Variants in ENO4 observed in about 807,000 individuals in gnomAD.
ENO4 encodes enolase 4.
In ENO4, 53 loss-of-function variants were observed where a neutral mutation model predicts 63.2. That is an observed-to-expected ratio of 0.84 (90% CI 0.67 to 1.05). The LOEUF (loss-of-function observed/expected upper bound fraction) is 1.05, where lower values mean the gene tolerates loss of function less well. ENO4 is among the 50% of genes least tolerant of loss of function. ENO4 has a pLI of 0.00. For synonymous variants in ENO4, 266 were observed against 283.8 expected (o/e 0.94, Z 0.63); for missense variants, 719 against 772.0 (o/e 0.93, Z 0.81).
chr10:116,850,873 A>T (rs1302107184), intron 1 of ENO4, among the ~76,000 whole-genome samples: 1 of 152,194 alleles, frequency 6.6e-6, no homozygotes, highest in African/African-American at 2.4e-5. Context: ...TAGTGACAGA[A>T]GAAAAAAAAT....
Position 116,871,143 on chromosome 10 carries a change from A to T in ENO4, c.1066A>T (p.Met356Leu), listed in dbSNP as rs773891436. ...KRGQQQITGK[M>L]SHLGCLTINC... ...CTTGCAGCAGCAGATCACTGGCAAGATGTCTCATCTTGGCTGTTTAACCAT... is the reference window on the plus strand; with the variant it reads ...CTTGCAGCAGCAGATCACTGGCAAGTTGTCTCATCTTGGCTGTTTAACCAT... Residue 356 changes from methionine (M) to leucine (L), a missense_variant, in exon 9 of 14, where the codon ATG (methionine) becomes TTG (leucine). This residue lies in a region of ENO4 where 544 missense variants were observed against 583.6 expected (regional missense o/e 0.93). Transcript: ENST00000341276. 40 of 1,550,376 alleles carry T rather than the reference A, an allele frequency of 2.6e-5. No individual in the cohort carries two copies. The highest frequency in any genetic ancestry group is 3.3e-5 in the Non-Finnish European group (38 of 1,146,962).
At position 116,871,958 on chromosome 10, in the gene ENO4, A is replaced by G. The variant is rs557941758; in HGVS notation, c.1215+666A>G. Among the ~76,000 whole-genome samples the G allele has an allele frequency of 4.6e-3, 695 of 152,322 alleles. 1 individual carries two copies. The highest frequency in any genetic ancestry group is 6.6e-3 in the Non-Finnish European group (447 of 68,028). ...ACGCCTGTAATCCCAGCACTTTGGG[A>G]GGCCGAGGTGGGTGGATCACCTGAG... On this transcript the variant is annotated intron_variant, in intron 9 of 13. Transcript: ENST00000341276.
chr10:116,871,134 A>T lies in ENO4; in HGVS notation c.1057A>T (p.Thr353Ser), dbSNP rs918076143. The T allele has an allele frequency of 3.5e-5, 55 of 1,550,282 alleles. No homozygotes were observed. The highest frequency in any genetic ancestry group is 1.7e-4 in the Middle Eastern group (1 of 6,010). Reference protein sequence around the residue: ...DGSKRGQQQITGKMSHLGCLT... With the variant: ...DGSKRGQQQISGKMSHLGCLT... ...TCTCTTGATCTTGCAGCAGCAGATC[A>T]CTGGCAAGATGTCTCATCTTGGCTG... The change falls in exon 9 of 14, where the codon ACT becomes TCT. Residue 353 changes from threonine to serine, a missense_variant. Thr to Ser is a moderately conservative substitution (Grantham distance 58). Coordinates refer to ENST00000341276, the MANE Select transcript of ENO4 (RefSeq NM_001242699.2).
chr10:116,850,346 C>CT (rs1213644141), intron 1 of ENO4: 2 of 155,706 alleles, frequency 1.3e-5, no homozygotes, highest in African/African-American at 4.8e-5. Context: ...ATTGTAGTCT[C>CT]TTGAGGCAGC....
intron 7 of ENO4, among the ~76,000 whole-genome samples, chr10:116,866,956 C>T (rs1357766982): frequency 1.3e-5 from 2 of 152,074 alleles, no homozygotes; most frequent in African/African-American, 4.8e-5. Flanking sequence ...CCAACATTAC[C>T]GCGATTCTTC....
chr10:116,905,696 T>A (rs1263421973), intron 10 of ENO4, among the ~76,000 whole-genome samples: 7 of 152,198 alleles, frequency 4.6e-5, no homozygotes, highest in African/African-American at 1.7e-4. Context: ...AGATTTAAAC[T>A]GTTACGATAG....
intron 12 of ENO4, 121 bp from the exon 13 acceptor site, chr10:116,879,748 A>T: frequency 2.6e-6 from 2 of 763,352 alleles, no homozygotes; most frequent in Non-Finnish European, 4.2e-6. Flanking sequence ...AAAGATAAAA[A>T]ACTAGTAAGA....
chr10:116,879,840 T>C (rs1846951170), intron 12 of ENO4, 29 bp from the exon 13 acceptor site: 1 of 1,502,026 alleles, frequency 6.7e-7, no homozygotes, highest in Non-Finnish European at 9.0e-7. Context: ...GGCTCCTCCG[T>C]CTAAAATTAG....
intron 11 of ENO4, among the ~76,000 whole-genome samples, chr10:116,877,446 AC>A (rs1846870361): frequency 1.3e-5 from 2 of 152,178 alleles, no homozygotes; most frequent in Admixed American, 1.3e-4. Flanking sequence ...AGAATTTGGA[AC>A]CAGATCATCC....
chr10:116,867,838 C>A (rs1201890585), intron 7 of ENO4, among the ~76,000 whole-genome samples: 1 of 152,166 alleles, frequency 6.6e-6, no homozygotes, highest in Non-Finnish European at 1.5e-5. Flanking sequence ...CAAGACTGTT[C>A]TTTAATGTTT....
intron 10 of ENO4, among the ~76,000 whole-genome samples, chr10:116,889,007 T>C (rs1372615174): frequency 2.6e-5 from 4 of 152,244 alleles, no homozygotes; most frequent in African/African-American, 4.8e-5. Context: ...CCCACTCTTA[T>C]GTAAGCCAGT....
intron 10 of ENO4, among the ~76,000 whole-genome samples, chr10:116,899,599 G>A (rs558066619): frequency 3.3e-5 from 5 of 151,372 alleles, no homozygotes; most frequent in African/African-American, 4.9e-5. Flanking sequence ...ATTTAGAGCC[G>A]ACTGTCATTG....
At position 116,855,676 on chromosome 10, in the gene ENO4, G is replaced by A. The variant is rs926831969; in HGVS notation, c.219G>A (p.Gly73=). 5 of 1,536,158 alleles carry A rather than the reference G, an allele frequency of 3.3e-6. No individual in the cohort carries two copies. In the African/African-American group the frequency reaches 6.9e-5, roughly 21 times the overall value. Reference sequence around the variant, plus strand: ...CTCCCACCATATGCAAAATAGTGGGGAAAGACGTACTAGATGGACTGGGGC... The same window carrying A: ...CTCCCACCATATGCAAAATAGTGGGAAAAGACGTACTAGATGGACTGGGGC... ...AKPPTICKIV[G]KDVLDGLGLP... The change falls in exon 2 of 14, where the codon GGG becomes GGA. Residue 73 remains glycine (G), a synonymous_variant. Transcript: ENST00000341276.
intron 7 of ENO4, among the ~76,000 whole-genome samples, chr10:116,863,748 T>C (rs1253567712): frequency 6.6e-6 from 1 of 152,116 alleles, no homozygotes; most frequent in East Asian, 1.9e-4. Context: ...CACGGGCCCC[T>C]CCCCTGCCGC....
At chr10:116,899,394 C>G (rs1015074343) in intron 10 of ENO4, among the ~76,000 whole-genome samples, 4 of 151,912 alleles carry the variant, frequency 2.6e-5, no homozygotes, top group African/African-American at 9.7e-5. Flanking sequence ...AGGGAGTAAG[C>G]CATGCAGCTC....
downstream of ENO4, chr10:116,885,352 T>G (rs1317171723): frequency 6.6e-6 from 1 of 152,614 alleles, no homozygotes; most frequent in Non-Finnish European, 1.5e-5. Flanking sequence ...AAAAGCTGCA[T>G]AAGTTTTTTT....
rs574418555 is a variant in ENO4, at chr10:116,906,321, A to G, written c.1195-5178A>G. Among the ~76,000 whole-genome samples, 4 of 152,370 alleles carry G rather than the reference A, an allele frequency of 2.6e-5. No homozygotes were observed. The South Asian group carries it at 8.3e-4, about 32-fold the overall frequency. On this transcript the variant is annotated intron_variant, in intron 10 of 10. Coordinates refer to the ENO4 transcript ENST00000369207. ...TGGGTGGTCTGGCTCCAGAGCCTGTACTTGATGCTATATTGTTGCCGAATC... is the reference window on the plus strand; with the variant it reads ...TGGGTGGTCTGGCTCCAGAGCCTGTGCTTGATGCTATATTGTTGCCGAATC...
intron 10 of ENO4, among the ~76,000 whole-genome samples, chr10:116,909,764 G>A (rs2159267): frequency 2.6e-5 from 4 of 152,164 alleles, no homozygotes; most frequent in Non-Finnish European, 4.4e-5. Context: ...TAACTTAGCA[G>A]AAGGCCAAAT....
At position 116,900,858 on chromosome 10, in the gene ENO4, G is replaced by GA. The variant is rs546526942; in HGVS notation, c.1195-10633dup. 4.7e-5 allele frequency: 46 copies of GA among 984,914 alleles called. No individual in the cohort carries two copies. In the African/African-American group the frequency reaches 7.2e-4, roughly 15 times the overall value. The allele number at this position is 984,914 out of a possible 1,614,324, so 61.0% of individuals were successfully genotyped here. ...AAAGAAGGCCATTCATTCCAGAAGA[G>GA]AAAAAAAAGTTAATAGTAGCAATGA... On this transcript the variant is annotated intron_variant, in intron 10 of 10. Transcript: ENST00000369207.
Sources: allele counts gnomAD v4.1 joint callset (sites outside exome capture counted in the v4.1 genomes callset), GRCh38; gene constraint gnomAD v4.1.1; regional missense constraint gnomAD v4.1.1; transcripts MANE v1.5; gene names NCBI Gene and HGNC (gene_info 2026-07-23, HGNC 2026-07-21).